EDARADD: variants seen among roughly 807,000 people sequenced by gnomAD.
EDARADD encodes EDAR associated via death domain.
Under a neutral mutation model 25.6 loss-of-function variants are expected in EDARADD, and 20 were observed. The observed-to-expected ratio is 0.78, with a 90% CI of 0.55 to 1.14. The LOEUF (loss-of-function observed/expected upper bound fraction) is 1.14, where lower values mean the gene tolerates loss of function less well. Among genes scored for constraint, EDARADD ranks in the 50% most tolerant of loss-of-function variants. The probability of loss-of-function intolerance (pLI) is 0.00; values close to 1 mark genes in which losing one functional copy is unlikely to be tolerated. For synonymous variants in EDARADD, 86 were observed against 94.4 expected (o/e 0.91, Z 0.52); for missense variants, 225 against 270.1 (o/e 0.83, Z 1.17).
chr1:236,457,777 C>A (rs1296172716), intron 4 of EDARADD, among the ~76,000 whole-genome samples: 1 of 150,666 alleles, frequency 6.6e-6, no homozygotes, highest in African/African-American at 2.5e-5. Context: ...CAAGATCGCA[C>A]CACTGCACTC....
intron 5 of EDARADD, among the ~76,000 whole-genome samples, chr1:236,480,096 C>CATATATAT (rs72215388): frequency 0.016 from 1,248 of 77,416 alleles, 51 homozygotes; most frequent in African/African-American, 0.02. Context: ...TTAAGTATGC[C>CATATATAT]ATATATATAT....
chr1:236,365,221 T>C (rs1667099273), intron 3 of EDARADD, among the ~76,000 whole-genome samples: 1 of 151,964 alleles, frequency 6.6e-6, no homozygotes. Flanking sequence ...TGGAATGCAG[T>C]GGCACAATCA....
At chr1:236,405,874 CTTCTTTCTTTCTTTCTTTCT>C (rs869205931) in intron 1 of EDARADD, among the ~76,000 whole-genome samples, 6 of 30,922 alleles carry the variant, frequency 1.9e-4, no homozygotes, top group African/African-American at 5.8e-4. Context: ...TCCTTCCTTC[CTTCTTTCTTTCTTTCTTTCT>C]TTCTTTCTTT....
intron 4 of EDARADD, among the ~76,000 whole-genome samples, chr1:236,463,473 A>C (rs1010963148): frequency 6.6e-6 from 1 of 152,148 alleles, no homozygotes; most frequent in African/African-American, 2.4e-5. Flanking sequence ...TTGTATTTTT[A>C]GTAGATGCGG....
rs1284493495 is a variant in EDARADD, at chr1:236,415,321, A to G, written c.160+1022A>G. ...TGCTTGTTAGGCCCAAAAGCAAACT[A>G]AAAAAGCTATCTTTGATAACCCATA... On this transcript the variant is annotated intron_variant, in intron 3 of 5. Coordinates refer to ENST00000334232, the MANE Select transcript of EDARADD (RefSeq NM_145861.4). Among the ~76,000 whole-genome samples, 116 of 152,328 alleles carry G rather than the reference A, an allele frequency of 7.6e-4. 1 individual carries two copies. Among genetic ancestry groups the G allele is most frequent in the Non-Finnish European group, 1.2e-4 (8 of 68,028 alleles).
chr1:236,365,684 TTGTC>T (rs1426584526), intron 3 of EDARADD, among the ~76,000 whole-genome samples: 1 of 76,854 alleles, frequency 1.3e-5, no homozygotes, highest in African/African-American at 5.2e-5. Flanking sequence ...TTTCGAAAAC[TTGTC>T]TGTTCTTCCT....
intron 3 of EDARADD, among the ~76,000 whole-genome samples, chr1:236,359,742 T>G (rs1667024052): frequency 6.6e-6 from 1 of 152,124 alleles, no homozygotes; most frequent in Admixed American, 6.5e-5. Context: ...CTCATGAGAC[T>G]TACTCACTAT....
intron 4 of EDARADD, among the ~76,000 whole-genome samples, chr1:236,429,266 G>A (rs1250734177): frequency 6.7e-6 from 1 of 149,984 alleles, no homozygotes; most frequent in East Asian, 1.9e-4. Flanking sequence ...GAGTGCAGTG[G>A]TGCGATCTCG....
Position 236,456,036 on chromosome 1 carries a change from G to A in EDARADD, c.220-12195G>A, listed in dbSNP as rs12084128. On this transcript the variant is annotated intron_variant, in intron 4 of 5. Transcript: ENST00000334232. ...GATCTGCTGACCTTGTAATCCGCCC[G>A]CCTCGGCCTCCCAAAGTACAGGGAT... is the stretch of plus-strand genomic sequence containing the variant. 4.8e-3 allele frequency among the ~76,000 whole-genome samples: 737 copies of A among 152,218 alleles called. 5 individuals are homozygous for A. The highest frequency in any genetic ancestry group is 0.017 in the African/African-American group (698 of 41,542).
At chr1:236,430,899 C>T (rs1303697633) in intron 4 of EDARADD, among the ~76,000 whole-genome samples, 2 of 152,144 alleles carry the variant, frequency 1.3e-5, no homozygotes, top group Admixed American at 6.6e-5. Context: ...AGGTGGATCA[C>T]GAGGTCAGGA....
intron 5 of EDARADD, among the ~76,000 whole-genome samples, chr1:236,476,972 A>G (rs1210899236): frequency 6.6e-6 from 1 of 151,772 alleles, no homozygotes; most frequent in Non-Finnish European, 1.5e-5. Flanking sequence ...AGCCTGGGCC[A>G]TAGAGCAAGA....
At chr1:236,434,244 C>CTT (rs200291409) in intron 4 of EDARADD, among the ~76,000 whole-genome samples, 3 of 146,470 alleles carry the variant, frequency 2.0e-5, no homozygotes, top group African/African-American at 2.5e-5. Context: ...AATTTTTTTG[C>CTT]TTTTTTTTTT....
At position 236,484,529 on chromosome 1, in the gene EDARADD, C is replaced by A; in HGVS notation, c.*1880C>A. 2 of 1,384,588 alleles carry A rather than the reference C, an allele frequency of 1.4e-6. No individual in the cohort carries two copies. Among genetic ancestry groups the A allele is most frequent in the South Asian group, 2.4e-5 (2 of 84,788 alleles). 85.8% of individuals were successfully genotyped at this position (1,384,588 alleles called of 1,614,324 possible). The stretch of plus-strand genomic sequence containing the variant: ...GCTAATTAGACCCCTCCCCTTGTGT[C>A]AACTCCGGCAGCTCAAGACCCCCGA... On this transcript the variant is annotated 3_prime_UTR_variant, in exon 6 of 6. Transcript: ENST00000334232. This position sits in a 1 kb window ranked among gnomAD's most constrained non-coding sequence, Gnocchi z 4.1.
At chr1:236,443,445 C>A (rs1038336299) in intron 4 of EDARADD, among the ~76,000 whole-genome samples, 1 of 152,092 alleles carries the variant, frequency 6.6e-6, no homozygotes, top group African/African-American at 2.4e-5. Context: ...GAGAGGAGAT[C>A]AAAATATCAA....
chr1:236,361,651 T>TATATATATATATATA (rs1667052414), intron 3 of EDARADD, among the ~76,000 whole-genome samples: 1 of 63,120 alleles, frequency 1.6e-5, no homozygotes, highest in Non-Finnish European at 3.1e-5. Context: ...ATATATATAT[T>TATATATATATATATA]CCTTCATACC....
Position 236,479,839 on chromosome 1 carries a change from A to G in EDARADD, c.266-2428A>G, listed in dbSNP as rs146702237. Among the ~76,000 whole-genome samples the G allele has an allele frequency of 2.3e-3, 345 of 152,020 alleles. 3 individuals carry two copies. Among genetic ancestry groups the G allele is most frequent in the African/African-American group, 8.0e-3 (333 of 41,480 alleles). ...GGCAGGAGGATTGCTTAAGGCCAAG[A>G]GTTCAAGACCAGCCTGGGTAACATA... On this transcript the variant is annotated intron_variant, in intron 5 of 5. Transcript: ENST00000334232.
At chr1:236,468,998 C>T (rs1488134565) in intron 5 of EDARADD, among the ~76,000 whole-genome samples, 3 of 152,194 alleles carry the variant, frequency 2.0e-5, no homozygotes, top group South Asian at 4.1e-4. Flanking sequence ...CAAAGGAGCC[C>T]TCCTGACATT....
rs397860471 is a variant in EDARADD, at chr1:236,459,611, C to CTT, written c.220-8601_220-8600dup. 3.0e-3 allele frequency among the ~76,000 whole-genome samples: 299 copies of CTT among 100,466 alleles called. 5 individuals are homozygous for CTT. Among genetic ancestry groups the CTT allele is most frequent in the South Asian group, 8.8e-3 (24 of 2,734 alleles). 65.9% of individuals were successfully genotyped at this position (100,466 alleles called of 152,430 possible). A position where few individuals can be genotyped will look rare whatever the true frequency, so the allele number is the denominator to read the frequency against. ...ATATTTTCACTCTTCTTATTTAGCTCTTTTTTTTTTTTTTTTTTTTGAGAT... is the reference window on the plus strand; with the variant it reads ...ATATTTTCACTCTTCTTATTTAGCTCTTTTTTTTTTTTTTTTTTTTTTGAGAT... On this transcript the variant is annotated intron_variant, in intron 4 of 5. Transcript: ENST00000334232.
intron 4 of EDARADD, among the ~76,000 whole-genome samples, chr1:236,431,350 G>A (rs1303564279): frequency 3.3e-5 from 5 of 152,184 alleles, no homozygotes; most frequent in Non-Finnish European, 5.9e-5. Context: ...AGGAGGCTGA[G>A]GTGGGAGGAT....
Sources: gnomAD v4.1 joint callset for allele counts (sites outside exome capture counted in the v4.1 genomes callset) on GRCh38, gnomAD v4.1.1 for gene constraint, Gnocchi (gnomAD v3.1) non-coding constraint, MANE v1.5 for transcripts, NCBI Gene and HGNC (gene_info 2026-07-23, HGNC 2026-07-21) for gene names.